The following C10orf90 variants were observed in gnomAD, a reference collection of about 807,000 sequenced individuals.
C10orf90 encodes the protein (E2-independent) E3 ubiquitin-conjugating enzyme FATS.
A neutral mutation model predicts 62.5 loss-of-function variants in C10orf90; 56 were observed. The observed-to-expected ratio is 0.90, with a 90% confidence interval of 0.72 to 1.12. The LOEUF (loss-of-function observed/expected upper bound fraction) is 1.12, where lower values mean the gene tolerates loss of function less well. Ranked by LOEUF, C10orf90 falls within the 50% of genes most tolerant of loss-of-function variation. C10orf90 has a pLI of 0.00. For synonymous variants in C10orf90, 386 were observed against 340.4 expected (o/e 1.13, Z -1.47); for missense variants, 970 against 880.4 (o/e 1.10, Z -1.29).
At chr10:126,642,498 C>G (rs1251804097) in intron 2 of C10orf90, among the ~76,000 whole-genome samples, 1 of 152,084 alleles carries the variant, frequency 6.6e-6, no homozygotes, top group Non-Finnish European at 1.5e-5. Context: ...CGCCACTGCA[C>G]TCCAGCCTGG....
At chr10:126,634,869 G>A (rs1375217560) in intron 2 of C10orf90, among the ~76,000 whole-genome samples, 1 of 152,178 alleles carries the variant, frequency 6.6e-6, no homozygotes, top group Non-Finnish European at 1.5e-5. Context: ...CCTAAGGAAA[G>A]AACAGTATCC....
At chr10:126,505,240 T>C (rs148427403) in intron 3 of C10orf90, among the ~76,000 whole-genome samples, 155 bp from the exon 4 acceptor site, 114 of 152,322 alleles carry the variant, frequency 7.5e-4, no homozygotes, top group Admixed American at 1.4e-3. Flanking sequence ...TGCTCAGAGA[T>C]GGCAGGAAGG....
At chr10:126,455,575 A>G (rs1018842262) in intron 7 of C10orf90, among the ~76,000 whole-genome samples, 1 of 152,246 alleles carries the variant, frequency 6.6e-6, no homozygotes, top group Non-Finnish European at 1.5e-5. Context: ...TCCTTCTGTC[A>G]CTGCTAGAGA....
At chr10:126,565,218 T>A (rs774850741) in intron 2 of C10orf90, among the ~76,000 whole-genome samples, 827 of 29,124 alleles carry the variant, frequency 0.028, 14 homozygotes, top group Admixed American at 0.045. Context: ...TAATATAATT[T>A]TTATATTACA....
intron 2 of C10orf90, among the ~76,000 whole-genome samples, chr10:126,607,835 C>A (rs1845346189): frequency 6.6e-6 from 1 of 152,116 alleles, no homozygotes; most frequent in Non-Finnish European, 1.5e-5. Flanking sequence ...CACCTCATAA[C>A]TTTTAAGAAA....
At chr10:126,426,998 G>A (rs1857304738) in intron 8 of C10orf90, among the ~76,000 whole-genome samples, 2 of 152,178 alleles carry the variant, frequency 1.3e-5, no homozygotes, top group Non-Finnish European at 2.9e-5. Flanking sequence ...TTATATAAAT[G>A]AGAAACCCAA....
intron 7 of C10orf90, among the ~76,000 whole-genome samples, chr10:126,447,440 G>C (rs1000981337): frequency 1.3e-5 from 2 of 152,056 alleles, no homozygotes; most frequent in Non-Finnish European, 2.9e-5. Flanking sequence ...AAGAGACAGA[G>C]TCATAATATA....
chr10:126,481,903 G>C (rs560920371), intron 4 of C10orf90, among the ~76,000 whole-genome samples: 1 of 152,240 alleles, frequency 6.6e-6, no homozygotes, highest in Non-Finnish European at 1.5e-5. Flanking sequence ...CTGTGTAAAA[G>C]CTGACCATAA....
chr10:126,530,008 C>A (rs1265263395), intron 2 of C10orf90, among the ~76,000 whole-genome samples: 1 of 152,000 alleles, frequency 6.6e-6, no homozygotes, highest in African/African-American at 2.4e-5. Flanking sequence ...GGATCTTAAA[C>A]TAAATGAAAT....
chr10:126,430,088 A>G (rs563239040), intron 7 of C10orf90, among the ~76,000 whole-genome samples: 15 of 152,182 alleles, frequency 9.9e-5, no homozygotes, highest in Non-Finnish European at 2.1e-4. Flanking sequence ...TTAGCATCTA[A>G]CCTACTTTAT....
chr10:126,600,857 G>A (rs981311401), intron 2 of C10orf90, among the ~76,000 whole-genome samples: 1 of 152,142 alleles, frequency 6.6e-6, no homozygotes, highest in African/African-American at 2.4e-5. Flanking sequence ...AAAAGGAGAT[G>A]AAATAACCGC....
At chr10:126,469,472 G>A (rs917137504) in intron 4 of C10orf90, among the ~76,000 whole-genome samples, 4 of 152,172 alleles carry the variant, frequency 2.6e-5, no homozygotes, top group Non-Finnish European at 4.4e-5. Context: ...ACATGCTGAT[G>A]TTCTGGGCGG....
chr10:126,659,242 A>G (rs2133868997), intron 1 of C10orf90, among the ~76,000 whole-genome samples: 1 of 152,294 alleles, frequency 6.6e-6, no homozygotes, highest in Non-Finnish European at 1.5e-5. Context: ...GCCAACCTAG[A>G]GCCATGCACT....
At chr10:126,566,820 T>A (rs1346342843) in intron 2 of C10orf90, among the ~76,000 whole-genome samples, 1 of 151,984 alleles carries the variant, frequency 6.6e-6, no homozygotes, top group African/African-American at 2.4e-5. Context: ...AGAGGATACA[T>A]CTGGGAGGCA....
chr10:126,566,277 G>A (rs1294313363), intron 2 of C10orf90, among the ~76,000 whole-genome samples: 1 of 152,224 alleles, frequency 6.6e-6, no homozygotes, highest in Non-Finnish European at 1.5e-5. Flanking sequence ...AACACGTGAT[G>A]TTATTAGTTT....
At chr10:126,481,496 C>T (rs1015910149) in intron 4 of C10orf90, among the ~76,000 whole-genome samples, 2 of 152,184 alleles carry the variant, frequency 1.3e-5, no homozygotes, top group Admixed American at 6.5e-5. Context: ...TTCATTCAGC[C>T]AAAAGAAAAA....
chr10:126,550,168 C>T (rs1243662499), intron 2 of C10orf90, among the ~76,000 whole-genome samples: 1 of 151,920 alleles, frequency 6.6e-6, no homozygotes, highest in Admixed American at 6.6e-5. Context: ...GTTGGCCAGG[C>T]TGGTCTCGAA....
At chr10:126,471,214 G>A (rs1860568499) in intron 4 of C10orf90, among the ~76,000 whole-genome samples, 1 of 149,056 alleles carries the variant, frequency 6.7e-6, no homozygotes, top group Non-Finnish European at 1.5e-5. Flanking sequence ...AGAAGGAATG[G>A]GAATGCCAAG....
rs115945220 is a variant in C10orf90, at chr10:126,669,817, G to T, written c.240+424C>A. 8.1e-3 allele frequency among the ~76,000 whole-genome samples: 1,236 copies of T among 151,806 alleles called. 19 individuals carry two copies. Among genetic ancestry groups the T allele is most frequent in the African/African-American group, 0.028 (1,172 of 41,398 alleles). ...ATCATTCTATTTTAACTCGATGAAG[G>T]CACGTCATACATATTCTCCTACAAA... On this transcript the variant is annotated intron_variant, in intron 1 of 9. Coordinates refer to ENST00000488181, the MANE Select transcript of C10orf90 (RefSeq NM_001350921.2).
Sources: allele counts gnomAD v4.1 joint callset (sites outside exome capture counted in the v4.1 genomes callset), GRCh38; gene constraint gnomAD v4.1.1; transcripts MANE v1.5; gene names NCBI Gene and HGNC (gene_info 2026-07-23, HGNC 2026-07-21).